The following TMEM65 variants were observed in gnomAD, a reference collection of about 807,000 sequenced individuals.
TMEM65 encodes transmembrane protein 65.
A neutral mutation model predicts 25.4 loss-of-function variants in TMEM65; 22 were observed. The observed-to-expected ratio is 0.86, with a 90% CI of 0.62 to 1.23. The LOEUF (loss-of-function observed/expected upper bound fraction) is 1.23. Among genes scored for constraint, TMEM65 ranks in the 50% most tolerant of loss-of-function variants. TMEM65 has a pLI of 0.00. For synonymous variants in TMEM65, 132 were observed against 126.2 expected (o/e 1.05, Z -0.31); for missense variants, 262 against 308.2 (o/e 0.85, Z 1.12).
intron 2 of TMEM65, among the ~76,000 whole-genome samples, chr8:124,329,079 CTTGTT>C (rs1814401478): frequency 6.6e-6 from 1 of 150,718 alleles, no homozygotes; most frequent in African/African-American, 2.4e-5. Context: ...AAAATTTCGT[CTTGTT>C]TTAAGTAAAA....
At chr8:124,330,038 A>C (rs10464864) in intron 2 of TMEM65, among the ~76,000 whole-genome samples, 1 of 151,770 alleles carries the variant, frequency 6.6e-6, no homozygotes, top group African/African-American at 2.4e-5. Context: ...TCTCTAGTAT[A>C]TAATGATCTC....
chr8:124,362,662 C>CAAA (rs59243626), intron 1 of TMEM65, among the ~76,000 whole-genome samples: 8 of 98,232 alleles, frequency 8.1e-5, no homozygotes, highest in African/African-American at 2.6e-4. Flanking sequence ...ACTCTTGTCT[C>CAAA]AAAAAAAAAA....
chr8:124,364,518 A>AT (rs1814913826), intron 1 of TMEM65, among the ~76,000 whole-genome samples: 1 of 152,244 alleles, frequency 6.6e-6, no homozygotes, highest in African/African-American at 2.4e-5. Flanking sequence ...AACTTATTGT[A>AT]TTAAAATATA....
At chr8:124,335,455 A>T (rs1267865730) in intron 1 of TMEM65, among the ~76,000 whole-genome samples, 1 of 152,168 alleles carries the variant, frequency 6.6e-6, no homozygotes, top group Non-Finnish European at 1.5e-5. Context: ...AATATAAAAG[A>T]TTACTTTTTC....
intron 6 of TMEM65, among the ~76,000 whole-genome samples, chr8:124,317,658 C>T (rs1353993926): frequency 6.6e-6 from 1 of 152,190 alleles, no homozygotes; most frequent in African/African-American, 2.4e-5. Context: ...GTATTTAAGT[C>T]TTTGCATAAT....
At chr8:124,340,639 T>A (rs774859235) in intron 1 of TMEM65, among the ~76,000 whole-genome samples, 5 of 152,120 alleles carry the variant, frequency 3.3e-5, no homozygotes, top group Non-Finnish European at 5.9e-5. Context: ...TAACTTAAGA[T>A]GATGACTAGC....
chr8:124,343,597 C>A lies in TMEM65; in HGVS notation c.305-12805G>T, dbSNP rs113949139. ...CATCTCTTAACTCAAGAGGGCCTCT[C>A]TAGACTCTTCAGACTGTATACCAAT... On this transcript the variant is annotated intron_variant, in intron 1 of 6. Coordinates refer to ENST00000297632, the MANE Select transcript of TMEM65 (RefSeq NM_194291.3). Among the ~76,000 whole-genome samples the A allele has an allele frequency of 5.9e-3, 892 of 152,194 alleles. 9 individuals carry two copies. Among genetic ancestry groups the A allele is most frequent in the South Asian group, 0.014 (68 of 4,826 alleles).
At chr8:124,347,312 G>A (rs949893838) in intron 1 of TMEM65, among the ~76,000 whole-genome samples, 14 of 152,118 alleles carry the variant, frequency 9.2e-5, no homozygotes, top group Admixed American at 3.9e-4. Flanking sequence ...GCATTTGAGC[G>A]TAATCTTGTA....
At position 124,335,762 on chromosome 8, in the gene TMEM65, T is replaced by G. The variant is rs186377093; in HGVS notation, c.305-4970A>C. Among the ~76,000 whole-genome samples the G allele has an allele frequency of 7.3e-4, 111 of 151,960 alleles. 2 individuals are homozygous for G. The highest frequency in any genetic ancestry group is 1.5e-4 in the Non-Finnish European group (10 of 67,884). ...ATAGTTAAGAACCTAATAAGTAACTTGAAGGAGAATCTGAAGGAATGTTCA... is the reference window on the plus strand; with the variant it reads ...ATAGTTAAGAACCTAATAAGTAACTGGAAGGAGAATCTGAAGGAATGTTCA... On this transcript the variant is annotated intron_variant, in intron 1 of 6. Transcript: ENST00000297632.
chr8:124,356,144 A>G (rs1814777733), intron 1 of TMEM65, among the ~76,000 whole-genome samples: 1 of 152,174 alleles, frequency 6.6e-6, no homozygotes. Context: ...TTTTTTTAAT[A>G]AATTACCCAG....
Position 124,371,889 on chromosome 8 carries a change from T to G in TMEM65, c.269A>C (p.Glu90Ala), listed in dbSNP as rs1447337808. Residue 90 changes from glutamate to alanine, a missense_variant, in exon 1 of 7, where the codon GAG (glutamate) becomes GCG (alanine). Physicochemically the swap from Glu to Ala is moderately radical, Grantham distance 107 (BLOSUM62 -1). Coordinates refer to ENST00000297632, the MANE Select transcript of TMEM65 (RefSeq NM_194291.3). ...GGCAATAGACTCGAAGCGGTGCAGC[T>G]CTTTGAGCAGGCAGCTCCTCTCCGT... ...HSTERSCLLKELHRFESIAIA... is the reference protein window; with the variant it reads ...HSTERSCLLKALHRFESIAIA... 9.7e-6 allele frequency: 15 copies of G among 1,549,296 alleles called. No individual in the cohort carries two copies. The Admixed American group carries it at 1.5e-4, about 15-fold the overall frequency.
chr8:124,338,449 G>T (rs184925186), intron 1 of TMEM65, among the ~76,000 whole-genome samples: 2 of 151,790 alleles, frequency 1.3e-5, no homozygotes, highest in Non-Finnish European at 2.9e-5. Context: ...AAAATTCATC[G>T]CAGACAAAGT....
At chr8:124,337,714 T>C (rs1814529358) in intron 1 of TMEM65, among the ~76,000 whole-genome samples, 1 of 152,024 alleles carries the variant, frequency 6.6e-6, no homozygotes. Context: ...GAAATGAGAC[T>C]CTCCAATCTG....
Position 124,310,498 on chromosome 8 carries a change from A to T in TMEM65, c.*3462T>A, listed in dbSNP as rs1814142965. On this transcript the variant is annotated 3_prime_UTR_variant, in exon 7 of 7. Transcript: ENST00000297632. ...GACAAAATAGGATTCCAGTCCACTT[A>T]TTCGTAGTGGCAAACTAACCTCTTC... The T allele has an allele frequency of 2.6e-5, 4 of 152,312 alleles. No homozygotes were observed. The South Asian group carries it at 8.3e-4, about 32-fold the overall frequency. The allele number at this position is 152,312 out of a possible 1,614,324, so 9.4% of individuals were successfully genotyped here.
rs1814150114 is a variant in TMEM65, at chr8:124,310,903, A to G, written c.*3057T>C. The G allele has an allele frequency of 6.6e-6, 1 of 152,122 alleles. No homozygotes were observed. Among genetic ancestry groups the G allele is most frequent in the Admixed American group, 6.5e-5 (1 of 15,268 alleles). 9.4% of individuals were successfully genotyped at this position (152,122 alleles called of 1,614,324 possible). On this transcript the variant is annotated 3_prime_UTR_variant, in exon 7 of 7. Transcript: ENST00000297632. ...CTGCATTACCACACAATAATAATATACATAAAGATAATGCTTAGCCACTAA... is the reference window on the plus strand; with the variant it reads ...CTGCATTACCACACAATAATAATATGCATAAAGATAATGCTTAGCCACTAA...
At chr8:124,360,579 C>T (rs148508160) in intron 1 of TMEM65, among the ~76,000 whole-genome samples, 3 of 152,266 alleles carry the variant, frequency 2.0e-5, no homozygotes, top group African/African-American at 2.4e-5. Flanking sequence ...CTTTTCCTGG[C>T]TCTCTTGCCT....
intron 1 of TMEM65, among the ~76,000 whole-genome samples, chr8:124,363,213 C>A (rs77586434): frequency 0.017 from 2,521 of 152,248 alleles, 67 homozygotes; most frequent in African/African-American, 0.057. Context: ...ACAAGCTTAT[C>A]TGGTAAGTTA....
chr8:124,372,055 C>T lies in TMEM65; in HGVS notation c.103G>A (p.Gly35Arg). The change falls in exon 1 of 7, where the codon GGG (glycine) becomes AGG (arginine). Residue 35 changes from glycine to arginine, a missense_variant. Gly to Arg is a moderately radical substitution (Grantham distance 125, BLOSUM62 -2). Coordinates refer to ENST00000297632, the MANE Select transcript of TMEM65 (RefSeq NM_194291.3). ...APRPPSWCCC[G>R]RGLLALAPPG... ...GGCGCGAGCGCCAGCAGCCCCCGCCCGCAGCAGCACCAGGACGGCGGGCGG... is the reference window on the plus strand; with the variant it reads ...GGCGCGAGCGCCAGCAGCCCCCGCCTGCAGCAGCACCAGGACGGCGGGCGG... 8.4e-7 allele frequency: 1 copy of T among 1,193,182 alleles called. No individual in the cohort carries two copies. The highest frequency in any genetic ancestry group is 1.0e-6 in the Non-Finnish European group (1 of 964,300). The allele number at this position is 1,193,182 out of a possible 1,614,324, so 73.9% of individuals were successfully genotyped here.
At chr8:124,352,255 G>A (rs1294985512) in intron 1 of TMEM65, among the ~76,000 whole-genome samples, 1 of 151,964 alleles carries the variant, frequency 6.6e-6, no homozygotes, top group Non-Finnish European at 1.5e-5. Flanking sequence ...ACTAAAACAT[G>A]GTTACTGAGA....
Sources: gnomAD v4.1 joint callset for allele counts (sites outside exome capture counted in the v4.1 genomes callset) on GRCh38, gnomAD v4.1.1 for gene constraint, MANE v1.5 for transcripts, NCBI Gene and HGNC (gene_info 2026-07-23, HGNC 2026-07-21) for gene names.